The following CAP2 variants were observed in gnomAD, a reference collection of about 807,000 sequenced individuals.
CAP2 encodes adenylyl cyclase-associated protein 2.
CAP2 carries 24 observed loss-of-function variants against 57.7 expected under a neutral mutation model. The ratio of observed to expected loss-of-function variants is 0.42; its 90% CI spans 0.30 to 0.58. The LOEUF (loss-of-function observed/expected upper bound fraction) is 0.58, where lower values mean the gene tolerates loss of function less well. Ranked by LOEUF, CAP2 falls within the 20% of genes least tolerant of loss-of-function variation. The probability of loss-of-function intolerance (pLI) is 0.22; values close to 1 mark genes in which losing one functional copy is unlikely to be tolerated. For synonymous variants in CAP2, 194 were observed against 207.2 expected, an observed-to-expected ratio of 0.94 and a Z score of 0.55; for missense variants, 501 against 590.3, an observed-to-expected ratio of 0.85 and a Z score of 1.57.
chr6:17,551,617 C>T lies in CAP2; in HGVS notation c.1350+13C>T. On this transcript the variant is annotated intron_variant, in intron 12 of 12. Transcript: ENST00000229922. ...GGATGGTGATTATGTAAGTACCTTTCAAAAGGCTGTCAAGAATTTTTCTGG... is the reference window on the plus strand; with the variant it reads ...GGATGGTGATTATGTAAGTACCTTTTAAAAGGCTGTCAAGAATTTTTCTGG... The T allele has an allele frequency of 6.4e-7, 1 of 1,557,304 alleles. No homozygotes were observed.
At chr6:17,405,449 A>G (rs569379932) in intron 1 of CAP2, among the ~76,000 whole-genome samples, 2 of 152,220 alleles carry the variant, frequency 1.3e-5, no homozygotes, top group Admixed American at 1.3e-4. Context: ...CTAATAATAA[A>G]CTAGAACTTC....
At chr6:17,466,430 C>A (rs77862157) in intron 4 of CAP2, among the ~76,000 whole-genome samples, 3,366 of 152,302 alleles carry the variant, frequency 0.022, 115 homozygotes, top group African/African-American at 0.075. Flanking sequence ...ATGTGATACT[C>A]CTCGTCCAGA....
chr6:17,548,095 T>C (rs1336287138), intron 11 of CAP2, among the ~76,000 whole-genome samples: 2 of 151,678 alleles, frequency 1.3e-5, no homozygotes, highest in Non-Finnish European at 2.9e-5. Context: ...AGGCCGAGCG[T>C]GGTGGCTCAT....
At chr6:17,440,356 G>C (rs536814520) in intron 3 of CAP2, among the ~76,000 whole-genome samples, 2 of 151,682 alleles carry the variant, frequency 1.3e-5, no homozygotes, top group South Asian at 4.1e-4. Flanking sequence ...GTGTTAATTT[G>C]TGTCTGGCTA....
chr6:17,465,642 A>C (rs1241158823), intron 4 of CAP2, among the ~76,000 whole-genome samples: 2 of 152,218 alleles, frequency 1.3e-5, no homozygotes, highest in East Asian at 3.8e-4. Flanking sequence ...GGGATGGTAC[A>C]GGCTCAAGAG....
chr6:17,464,775 C>A (rs930102493), intron 4 of CAP2, among the ~76,000 whole-genome samples: 3 of 152,224 alleles, frequency 2.0e-5, no homozygotes, highest in Admixed American at 6.5e-5. Flanking sequence ...TTCCTCCTTG[C>A]TCTTCTCAAT....
chr6:17,501,212 T>C (rs188906311), intron 4 of CAP2, among the ~76,000 whole-genome samples: 8 of 152,354 alleles, frequency 5.3e-5, no homozygotes, highest in East Asian at 1.9e-4. Context: ...TCTTATGGTT[T>C]GAATCGCCAT....
At chr6:17,420,077 G>A (rs538773341) in intron 1 of CAP2, among the ~76,000 whole-genome samples, 7 of 151,904 alleles carry the variant, frequency 4.6e-5, no homozygotes, top group African/African-American at 1.7e-4. Context: ...TCACCATGTA[G>A]GCCAGGCTGG....
chr6:17,440,366 A>G (rs550375260), intron 3 of CAP2, among the ~76,000 whole-genome samples: 9 of 151,580 alleles, frequency 5.9e-5, no homozygotes, highest in Admixed American at 5.2e-4. Flanking sequence ...GTGTCTGGCT[A>G]CCTTTCTGAA....
At chr6:17,528,515 T>C (rs988054495) in intron 7 of CAP2, among the ~76,000 whole-genome samples, 4 of 152,170 alleles carry the variant, frequency 2.6e-5, no homozygotes, top group African/African-American at 9.7e-5. Context: ...AGGAATGACA[T>C]ACAGGGACCA....
rs1310129299 is a variant in CAP2, at chr6:17,533,070, C to A, written c.637-6199C>A. Among the ~76,000 whole-genome samples the A allele has an allele frequency of 7.3e-5, 7 of 96,274 alleles. No individual in the cohort carries two copies. The East Asian group carries it at 1.3e-3, about 19-fold the overall frequency. 63.2% of individuals were successfully genotyped at this position (96,274 alleles called of 152,430 possible). On this transcript the variant is annotated intron_variant, in intron 7 of 12. Coordinates refer to ENST00000229922, the MANE Select transcript of CAP2 (RefSeq NM_006366.3). ...ACAAGAGCAAAACTCCATCTCAACA[C>A]CCCCCACCAAAAAAAAAAAAAAAAA... is the stretch of plus-strand genomic sequence containing the variant.
At chr6:17,542,790 T>C in intron 9 of CAP2, 47 bp from the exon 10 acceptor site, 1 of 1,496,568 alleles carries the variant, frequency 6.7e-7, no homozygotes, top group South Asian at 1.2e-5. Flanking sequence ...CAGTGGTTTC[T>C]GTTTATATAT....
intron 1 of CAP2, among the ~76,000 whole-genome samples, chr6:17,398,374 C>T (rs926170435): frequency 3.9e-5 from 6 of 151,956 alleles, no homozygotes; most frequent in East Asian, 1.9e-4. Context: ...CTAGATCTGT[C>T]GTTGAGTTAG....
chr6:17,497,558 C>T (rs1380967827), intron 4 of CAP2, among the ~76,000 whole-genome samples: 1 of 152,138 alleles, frequency 6.6e-6, no homozygotes, highest in African/African-American at 2.4e-5. Context: ...TTTTGTATGT[C>T]GTTATTTGTC....
intron 3 of CAP2, among the ~76,000 whole-genome samples, chr6:17,442,608 C>T (rs979618302): frequency 9.2e-5 from 14 of 152,082 alleles, no homozygotes; most frequent in Admixed American, 8.5e-4. Context: ...TGAGAGCTGG[C>T]TGGGTGTGGT....
At chr6:17,505,772 T>G (rs1325375439) in intron 4 of CAP2, among the ~76,000 whole-genome samples, 3 of 152,222 alleles carry the variant, frequency 2.0e-5, no homozygotes, top group South Asian at 2.1e-4. Flanking sequence ...CCTAGAGAAA[T>G]TAGAGAATGC....
At chr6:17,426,205 C>A (rs1759586669) in intron 2 of CAP2, among the ~76,000 whole-genome samples, 1 of 151,298 alleles carries the variant, frequency 6.6e-6, no homozygotes, top group Admixed American at 6.6e-5. Context: ...TTCCATATTG[C>A]CTATGGCAAG....
At chr6:17,450,120 C>T (rs1455232421) in intron 3 of CAP2, among the ~76,000 whole-genome samples, 1 of 151,356 alleles carries the variant, frequency 6.6e-6, no homozygotes, top group African/African-American at 2.4e-5. Flanking sequence ...GGCACGATCT[C>T]GGCTCACTGC....
chr6:17,402,145 T>C (rs1445939054), intron 1 of CAP2, among the ~76,000 whole-genome samples: 1 of 152,216 alleles, frequency 6.6e-6, no homozygotes, highest in East Asian at 1.9e-4. Context: ...ATGTGCTTTT[T>C]TCCTAAGACT....
Sources: allele counts gnomAD v4.1 joint callset (sites outside exome capture counted in the v4.1 genomes callset), GRCh38; gene constraint gnomAD v4.1.1; transcripts MANE v1.5; gene names NCBI Gene and HGNC (gene_info 2026-07-23, HGNC 2026-07-21).